DOCK9: variants seen among roughly 807,000 people sequenced by gnomAD.
DOCK9 encodes the protein dedicator of cytokinesis 9.
A neutral mutation model predicts 263.3 loss-of-function variants in DOCK9; 89 were observed. The ratio of observed to expected loss-of-function variants is 0.34; its 90% CI spans 0.28 to 0.40. DOCK9 has a LOEUF of 0.40. Ranked by LOEUF, DOCK9 falls within the 10% of genes least tolerant of loss-of-function variation. The probability of loss-of-function intolerance (pLI) is 1.00; values close to 1 mark genes in which losing one functional copy is unlikely to be tolerated. For synonymous variants in DOCK9, 976 were observed against 973.1 expected, an observed-to-expected ratio of 1.00 and a Z score of -0.06; for missense variants, 2,140 against 2,603.4, an observed-to-expected ratio of 0.82 and a Z score of 3.87.
intron 1 of DOCK9, among the ~76,000 whole-genome samples, chr13:99,038,288 C>CCGCTTTTTTTTTTTTTTTTTTTTTT (rs1888110933): frequency 1.2e-5 from 1 of 86,264 alleles, no homozygotes. Flanking sequence ...TTATGCCCCC[C>CCGCTTTTTTTTTTTTTTTTTTTTTT]TTTTTTTTTT....
chr13:98,935,390 A>G lies in DOCK9; in HGVS notation c.244-5133T>C, dbSNP rs2054647215. The stretch of plus-strand genomic sequence containing the variant: ...TTGAATTAAACAACACTAAAAGTCC[A>G]CATCTGGGATAAGAATAGGCCAACA... On this transcript the variant is annotated intron_variant, in intron 2 of 52. Transcript: ENST00000682017. Among the ~76,000 whole-genome samples, 3 of 152,244 alleles carry G rather than the reference A, an allele frequency of 2.0e-5. No homozygotes were observed. The South Asian group carries it at 6.2e-4, about 32-fold the overall frequency.
In DOCK9 at chr13:98,831,742, T is replaced by C; in HGVS notation, c.4359A>G (p.Lys1453=). The change falls in exon 40 of 53, where the codon AAA becomes AAG. Residue 1453 remains lysine, a synonymous_variant. Transcript: ENST00000682017. ...GAAAACACAGGTAGACATCAAAAAC[T>C]TTTTTCATGAGAGGATTATGTCCAT... The part of the protein sequence containing the change: ...ADHGHNPLMK[K]VFDVYLCFLQ... The C allele has an allele frequency of 6.2e-7, 1 of 1,613,984 alleles. No individual in the cohort carries two copies.
At chr13:98,947,692 G>T (rs1567057922) in intron 2 of DOCK9, among the ~76,000 whole-genome samples, 1 of 152,076 alleles carries the variant, frequency 6.6e-6, no homozygotes, top group East Asian at 1.9e-4. Flanking sequence ...TTTTGGTAGA[G>T]ACAGGGTTTC....
intron 33 of DOCK9, chr13:98,858,151 G>A (rs2141773064): frequency 6.6e-6 from 1 of 152,250 alleles, no homozygotes; most frequent in East Asian, 1.9e-4. Context: ...CTATTTTTAT[G>A]TCTTTGTGTA....
At chr13:98,816,532 G>A (rs2091869302) in intron 45 of DOCK9, among the ~76,000 whole-genome samples, 2 of 152,036 alleles carry the variant, frequency 1.3e-5, no homozygotes, top group South Asian at 4.2e-4. Flanking sequence ...CTGTCTCCTA[G>A]AGCCCAGAGT....
chr13:99,070,091 T>G (rs1416295131), intron 1 of DOCK9, among the ~76,000 whole-genome samples: 1 of 152,244 alleles, frequency 6.6e-6, no homozygotes, highest in Non-Finnish European at 1.5e-5. Flanking sequence ...CCCGCCTCTA[T>G]GAGCATTTAA....
intron 45 of DOCK9, among the ~76,000 whole-genome samples, chr13:98,822,799 T>C (rs985874668): frequency 2.6e-5 from 4 of 152,200 alleles, no homozygotes; most frequent in East Asian, 1.9e-4. Context: ...TAGAAAACTT[T>C]ATTGGGGTTT....
intron 1 of DOCK9, among the ~76,000 whole-genome samples, chr13:99,065,955 T>C (rs2041397791): frequency 6.6e-6 from 1 of 152,226 alleles, no homozygotes; most frequent in Non-Finnish European, 1.5e-5. Flanking sequence ...TTCAGATATA[T>C]GTGGGAAACA....
chr13:99,031,602 C>A (rs1260871118), intron 1 of DOCK9, among the ~76,000 whole-genome samples: 1 of 152,186 alleles, frequency 6.6e-6, no homozygotes. Flanking sequence ...TAAGCTAGGT[C>A]TTTTTCATCA....
At chr13:98,887,180 CCTT>C (rs1448657334) in intron 18 of DOCK9, among the ~76,000 whole-genome samples, 1 of 103,718 alleles carries the variant, frequency 9.6e-6, no homozygotes, top group Non-Finnish European at 2.0e-5. Flanking sequence ...ATCTTTGTCT[CCTT>C]CTCCTCTTAG....
intron 48 of DOCK9, among the ~76,000 whole-genome samples, chr13:98,807,412 G>T (rs2090854342): frequency 6.6e-6 from 1 of 152,160 alleles, no homozygotes. Flanking sequence ...GACTAAAAAT[G>T]ACATATCCTG....
chr13:99,010,572 A>G (rs1884303234), intron 1 of DOCK9, among the ~76,000 whole-genome samples: 1 of 151,220 alleles, frequency 6.6e-6, no homozygotes, highest in East Asian at 2.0e-4. Context: ...AATTAATCCG[A>G]AAAGGGGAAA....
At chr13:98,832,685 T>C (rs1405607372) in intron 39 of DOCK9, among the ~76,000 whole-genome samples, 1 of 152,222 alleles carries the variant, frequency 6.6e-6, no homozygotes, top group Non-Finnish European at 1.5e-5. Context: ...TCGTGTCTAA[T>C]GTGCACAACA....
intron 30 of DOCK9, chr13:98,867,045 C>G (rs1456398519): frequency 2.4e-6 from 1 of 425,046 alleles, no homozygotes; most frequent in African/African-American, 2.1e-5. Flanking sequence ...AGAAAGCAAG[C>G]GTCATACCCC....
At position 98,825,752 on chromosome 13, in the gene DOCK9, G is replaced by A; in HGVS notation, c.5023+1078C>T. 7 of 616,728 alleles carry A rather than the reference G, an allele frequency of 1.1e-5. No homozygotes were observed. The highest frequency in any genetic ancestry group is 1.8e-5 in the Non-Finnish European group (7 of 387,036). The allele number at this position is 616,728 out of a possible 1,614,324, so 38.2% of individuals were successfully genotyped here. ...GACCAGCCAACCAGAGAGCCACAGA[G>A]TAGGAGGGAAGGAGAGTGAAGTCTG... On this transcript the variant is annotated intron_variant, in intron 44 of 52. Coordinates refer to ENST00000682017, the MANE Select transcript of DOCK9 (RefSeq NM_001366683.2). The surrounding 1 kb of genome is among the most constrained non-coding windows in gnomAD (Gnocchi z 4.1).
At chr13:98,919,353 C>T (rs2051484111) in intron 7 of DOCK9, among the ~76,000 whole-genome samples, 1 of 152,118 alleles carries the variant, frequency 6.6e-6, no homozygotes, top group Admixed American at 6.5e-5. Context: ...TCCGCCTCTG[C>T]CTCCCAAAGC....
intron 13 of DOCK9, among the ~76,000 whole-genome samples, chr13:98,900,045 C>G (rs1170449063): frequency 6.6e-6 from 1 of 152,220 alleles, no homozygotes; most frequent in Non-Finnish European, 1.5e-5. Flanking sequence ...TGTAACATCT[C>G]TGCCAAAACT....
rs1398464626 is a variant in DOCK9, at chr13:98,831,405, C to G, written c.4578G>C (p.Leu1526=). The part of the protein sequence containing the change: ...RTEASQLLYF[L]MRNNFDYTGK... The stretch of plus-strand genomic sequence containing the variant: ...CAGTGTAATCAAAGTTGTTCCTCAT[C>G]AGGAAGTAGAGCAGCTGGGAGGCCT... Residue 1526 remains leucine, a synonymous_variant, in exon 41 of 53, where the codon CTG becomes CTC. Coordinates refer to ENST00000682017, the MANE Select transcript of DOCK9 (RefSeq NM_001366683.2). 4 of 1,603,848 alleles carry G rather than the reference C, an allele frequency of 2.5e-6. No individual in the cohort carries two copies. The African/African-American group carries it at 4.0e-5, about 16-fold the overall frequency.
At chr13:98,971,495 CAG>C (rs1340270829) in intron 1 of DOCK9, among the ~76,000 whole-genome samples, 3 of 130,124 alleles carry the variant, frequency 2.3e-5, no homozygotes, top group Non-Finnish European at 4.8e-5. Context: ...ATCACGAAAT[CAG>C]GACATCGAGA....
Sources: allele counts gnomAD v4.1 joint callset (sites outside exome capture counted in the v4.1 genomes callset), GRCh38; gene constraint gnomAD v4.1.1; non-coding constraint Gnocchi (gnomAD v3.1); transcripts MANE v1.5; gene names NCBI Gene and HGNC (gene_info 2026-07-23, HGNC 2026-07-21).